Variants in SAMSN1 observed in about 807,000 individuals in gnomAD.
SAMSN1 encodes SAM domain-containing protein SAMSN-1.
Under a neutral mutation model 42.0 loss-of-function variants are expected in SAMSN1, and 31 were observed. The observed-to-expected ratio is 0.74, with a 90% CI of 0.55 to 1.00. The LOEUF (loss-of-function observed/expected upper bound fraction) is 1.00, where lower values mean the gene tolerates loss of function less well. SAMSN1 is among the 50% of genes least tolerant of loss of function. The pLI, the probability that SAMSN1 is intolerant of heterozygous loss-of-function variation, is 0.00. For synonymous variants in SAMSN1, 178 were observed against 151.9 expected, an observed-to-expected ratio of 1.17 and a Z score of -1.26; for missense variants, 464 against 439.4, an observed-to-expected ratio of 1.06 and a Z score of -0.50.
chr21:14,526,022 C>A (rs1030083384), intron 1 of SAMSN1, among the ~76,000 whole-genome samples: 2 of 152,000 alleles, frequency 1.3e-5, no homozygotes, highest in African/African-American at 2.4e-5. Flanking sequence ...TGCACCCCCA[C>A]GCCCAGCTAA....
chr21:14,596,457 G>A (rs954957747), intron 6 of SAMSN1, among the ~76,000 whole-genome samples: 3 of 152,104 alleles, frequency 2.0e-5, no homozygotes, highest in Non-Finnish European at 2.9e-5. Context: ...ACACTGAAGA[G>A]GTCTTCAGAA....
chr21:14,519,167 C>T (rs777568667), intron 2 of SAMSN1, among the ~76,000 whole-genome samples: 2 of 152,106 alleles, frequency 1.3e-5, no homozygotes, highest in African/African-American at 2.4e-5. Context: ...AGACTCCAGG[C>T]ATGAAGTAAG....
At chr21:14,541,891 G>C (rs887077590) in intron 1 of SAMSN1, among the ~76,000 whole-genome samples, 1 of 151,886 alleles carries the variant, frequency 6.6e-6, no homozygotes, top group Non-Finnish European at 1.5e-5. Flanking sequence ...GACTCGGGAG[G>C]CTGAGGCAGG....
At chr21:14,511,489 T>A (rs1987687072) in intron 4 of SAMSN1, among the ~76,000 whole-genome samples, 1 of 152,202 alleles carries the variant, frequency 6.6e-6, no homozygotes, top group Non-Finnish European at 1.5e-5. Context: ...CCTTTAAATG[T>A]TTCTGTGTTA....
At chr21:14,623,452 C>T (rs953344871) in intron 2 of SAMSN1, among the ~76,000 whole-genome samples, 2 of 151,568 alleles carry the variant, frequency 1.3e-5, no homozygotes, top group Non-Finnish European at 2.9e-5. Context: ...AAATGGAAAA[C>T]AAAAAAAGGC....
intron 2 of SAMSN1, among the ~76,000 whole-genome samples, chr21:14,578,954 A>G (rs1981604907): frequency 6.6e-6 from 1 of 152,180 alleles, no homozygotes; most frequent in South Asian, 2.1e-4. Context: ...TTCAAACCCC[A>G]ACACTGCCTC....
chr21:14,600,672 G>A lies in SAMSN1; in HGVS notation c.399+1351C>T, dbSNP rs17003755. 9.7e-3 allele frequency among the ~76,000 whole-genome samples: 1,471 copies of A among 152,264 alleles called. 27 individuals are homozygous for A. Among genetic ancestry groups the A allele is most frequent in the African/African-American group, 0.034 (1,396 of 41,538 alleles). On this transcript the variant is annotated intron_variant, in intron 6 of 15. Coordinates refer to the SAMSN1 transcript ENST00000647101. ...TCTATTTTTCTACGAAAAACCTACA[G>A]AAGGATTTCCTCTTGGCAGAAGGCA... is the stretch of plus-strand genomic sequence containing the variant.
chr21:14,537,763 C>T (rs1183151608), intron 1 of SAMSN1, among the ~76,000 whole-genome samples: 2 of 152,124 alleles, frequency 1.3e-5, no homozygotes, highest in Non-Finnish European at 2.9e-5. Context: ...CAAAAACCAT[C>T]AACCTAGAGC....
intron 2 of SAMSN1, among the ~76,000 whole-genome samples, chr21:14,576,199 T>G (rs1981456123): frequency 6.6e-6 from 1 of 152,094 alleles, no homozygotes; most frequent in Non-Finnish European, 1.5e-5. Flanking sequence ...GCAGGGACAT[T>G]ATTAGATTTG....
chr21:14,548,494 C>CA (rs1394306410), upstream of SAMSN1, among the ~76,000 whole-genome samples: 6 of 151,988 alleles, frequency 3.9e-5, no homozygotes, highest in African/African-American at 1.4e-4. Context: ...CTCAAGCAAA[C>CA]AAAAAATATA....
chr21:14,519,014 T>G (rs1043513160), intron 2 of SAMSN1, among the ~76,000 whole-genome samples: 5 of 152,192 alleles, frequency 3.3e-5, no homozygotes, highest in African/African-American at 1.2e-4. Context: ...CTAGCGTTAT[T>G]TACAGAAGCT....
At chr21:14,648,491 A>C (rs1311777210) in intron 1 of SAMSN1, among the ~76,000 whole-genome samples, 1 of 152,212 alleles carries the variant, frequency 6.6e-6, no homozygotes, top group Non-Finnish European at 1.5e-5. Flanking sequence ...CAACCTAAAA[A>C]ATGGGAGAAA....
At chr21:14,640,654 C>T (rs571482396) in intron 2 of SAMSN1, among the ~76,000 whole-genome samples, 3 of 82,590 alleles carry the variant, frequency 3.6e-5, no homozygotes, top group Non-Finnish European at 6.4e-5. Context: ...ACTTAAAATA[C>T]CTTGATTTAA....
rs182042695 is a variant in SAMSN1 at position 14,556,757 on chromosome 21, A to G, written c.261+25379T>C. On this transcript the variant is annotated intron_variant, in intron 2 of 8. Transcript: ENST00000285670. ...GCATGTGTTATTTGTGGGAAGAGGA[A>G]ACAAAAATCAAGTGATCATTGACAG... 3.9e-4 allele frequency among the ~76,000 whole-genome samples: 60 copies of G among 152,336 alleles called. 1 individual carries two copies. The highest frequency in any genetic ancestry group is 2.9e-5 in the Non-Finnish European group (2 of 68,032).
chr21:14,595,663 C>G (rs898389482), intron 6 of SAMSN1, among the ~76,000 whole-genome samples: 3 of 152,118 alleles, frequency 2.0e-5, no homozygotes, highest in Non-Finnish European at 4.4e-5. Flanking sequence ...AATTGAAGCA[C>G]AGAGAGTTTA....
At chr21:14,594,417 T>C (rs1568824010) in intron 6 of SAMSN1, among the ~76,000 whole-genome samples, 1 of 152,108 alleles carries the variant, frequency 6.6e-6, no homozygotes, top group Non-Finnish European at 1.5e-5. Context: ...ATCTCACATT[T>C]AGAAGGGTTG....
chr21:14,492,227 T>C (rs1241120987), intron 7 of SAMSN1, among the ~76,000 whole-genome samples: 1 of 152,252 alleles, frequency 6.6e-6, no homozygotes, highest in East Asian at 1.9e-4. Context: ...TGTTTCACGT[T>C]ATTGCCCTCC....
chr21:14,558,813 G>T (rs933422920), intron 2 of SAMSN1, among the ~76,000 whole-genome samples: 2 of 152,082 alleles, frequency 1.3e-5, no homozygotes, highest in African/African-American at 4.8e-5. Context: ...ATAACATTCT[G>T]TCCCATGGCT....
At chr21:14,629,664 G>A (rs897151615) in intron 2 of SAMSN1, among the ~76,000 whole-genome samples, 19 of 152,210 alleles carry the variant, frequency 1.2e-4, no homozygotes, top group South Asian at 4.1e-4. Flanking sequence ...AGCTTATAGC[G>A]CCTGGAGAAT....
Sources: allele counts gnomAD v4.1 joint callset (sites outside exome capture counted in the v4.1 genomes callset), GRCh38; gene constraint gnomAD v4.1.1; transcripts MANE v1.5; gene names NCBI Gene and HGNC (gene_info 2026-07-23, HGNC 2026-07-21).